The following DEGS2 variants were observed in gnomAD, a reference collection of about 807,000 sequenced individuals.
DEGS2 encodes delta 4-desaturase, sphingolipid 2.
DEGS2 carries 19 observed loss-of-function variants against 23.8 expected under a neutral mutation model. That is an observed-to-expected ratio of 0.80 (90% CI 0.56 to 1.17). The LOEUF (loss-of-function observed/expected upper bound fraction) is 1.17. Ranked by LOEUF, DEGS2 falls within the 50% of genes most tolerant of loss-of-function variation. DEGS2 has a pLI of 0.00. For missense variants in DEGS2, 390 were observed against 459.5 expected (o/e 0.85, Z 1.38); for synonymous variants, 218 against 213.7 (o/e 1.02, Z -0.18).
At chr14:100,149,860 C>G (rs1487407055) in intron 1 of DEGS2, 150 bp from the exon 2 acceptor site, 1 of 830,642 alleles carries the variant, frequency 1.2e-6, no homozygotes, top group East Asian at 2.7e-5. Context: ...GGCCCTGTCC[C>G]TCGAGGGCCC....
rs1430062660 is a variant in DEGS2 at position 100,146,632 on chromosome 14, C to G, written c.*129G>C. 1.5e-6 allele frequency: 2 copies of G among 1,359,118 alleles called. No homozygotes were observed. 84.2% of individuals were successfully genotyped at this position (1,359,118 alleles called of 1,614,324 possible). A position where few individuals can be genotyped will look rare whatever the true frequency, so the allele number is the denominator to read the frequency against. On this transcript the variant is annotated 3_prime_UTR_variant, in exon 3 of 3. Transcript: ENST00000305631. ...ACACTGCTGTTGCCAGGTGTGGCTGCGCGGGACACTCCTCGGGGACAAGGG... is the reference window on the plus strand; with the variant it reads ...ACACTGCTGTTGCCAGGTGTGGCTGGGCGGGACACTCCTCGGGGACAAGGG...
At chr14:100,164,883 G>T in the DEGS2 span, among the ~76,000 whole-genome samples, 3 of 152,184 alleles carry the variant, frequency 2.0e-5, no homozygotes, top group South Asian at 6.2e-4. Context: ...AGCTTTATTA[G>T]TAAAAGCCAA....
At chr14:100,151,813 G>A (rs1442697708) in intron 1 of DEGS2, among the ~76,000 whole-genome samples, 1 of 152,218 alleles carries the variant, frequency 6.6e-6, no homozygotes, top group East Asian at 1.9e-4. Context: ...ACCCACCCAA[G>A]GTCAGTTGAC....
At chr14:100,165,919 G>C in the DEGS2 span, among the ~76,000 whole-genome samples, 3 of 134,396 alleles carry the variant, frequency 2.2e-5, no homozygotes, top group Non-Finnish European at 4.9e-5. Context: ...GAAGTGGGGT[G>C]GGGGGAGCCT....
intron 1 of DEGS2, among the ~76,000 whole-genome samples, chr14:100,153,552 G>A (rs1416488115): frequency 1.3e-5 from 2 of 152,200 alleles, no homozygotes; most frequent in Admixed American, 6.5e-5. Context: ...GGAATTGCAG[G>A]CCTGCATGGG....
In DEGS2 at chr14:100,146,758, G is replaced by A. The variant is rs1480327687; in HGVS notation, c.*3C>T. The A allele has an allele frequency of 3.7e-6, 6 of 1,612,870 alleles. No individual in the cohort carries two copies. Among genetic ancestry groups the A allele is most frequent in the Admixed American group, 1.7e-5 (1 of 59,924 alleles). The stretch of plus-strand genomic sequence containing the variant: ...ATGGCCACCACCAGGAGGCAGCCCG[G>A]GCTCACAGACCATCTTTTGCCAGCC... On this transcript the variant is annotated 3_prime_UTR_variant, in exon 3 of 3. Transcript: ENST00000305631.
chr14:100,159,071 G>A (rs1241341922), intron 1 of DEGS2, among the ~76,000 whole-genome samples: 4 of 152,184 alleles, frequency 2.6e-5, no homozygotes, highest in African/African-American at 9.7e-5. Flanking sequence ...GAGACCCAGG[G>A]GCTCTGAGCG....
intron 1 of DEGS2, 134 bp from the exon 2 acceptor site, chr14:100,149,844 C>T (rs1215393530): frequency 3.2e-6 from 3 of 928,008 alleles, no homozygotes; most frequent in South Asian, 3.4e-5. Flanking sequence ...TTTGCCCCTG[C>T]ACACAGGCCC....
At chr14:100,148,259 C>T (rs1889490790) in intron 2 of DEGS2, among the ~76,000 whole-genome samples, 1 of 152,238 alleles carries the variant, frequency 6.6e-6, no homozygotes, top group Non-Finnish European at 1.5e-5. Context: ...AACATGCTCA[C>T]ACACAGACAC....
In DEGS2 at chr14:100,146,356, C is replaced by T. The variant is rs552271570; in HGVS notation, c.*405G>A. The T allele has an allele frequency of 2.5e-4, 46 of 184,262 alleles. No individual in the cohort carries two copies. Among genetic ancestry groups the T allele is most frequent in the South Asian group, 7.1e-4 (6 of 8,428 alleles). The allele number at this position is 184,262 out of a possible 1,614,324, so 11.4% of individuals were successfully genotyped here. On this transcript the variant is annotated 3_prime_UTR_variant, in exon 3 of 3. Coordinates refer to ENST00000305631, the MANE Select transcript of DEGS2 (RefSeq NM_206918.3). The stretch of plus-strand genomic sequence containing the variant: ...AGCTCCACTCATCGGGGCGGCCCAG[C>T]GCCCCATTCCCTGGGGCCAGGCTCA...
At chr14:100,159,715 G>T (rs1889720699), upstream of DEGS2, 1 of 189,968 alleles carries the variant, frequency 5.3e-6, no homozygotes, top group Non-Finnish European at 1.0e-5. Context: ...GGCCAGGTGC[G>T]CCAGGCTTGG....
intron 2 of DEGS2, among the ~76,000 whole-genome samples, chr14:100,147,181 C>T (rs1049883122): frequency 6.6e-6 from 1 of 152,184 alleles, no homozygotes; most frequent in Non-Finnish European, 1.5e-5. Context: ...GGAAGCGTGG[C>T]GCTGGCTGCT....
chr14:100,157,602 C>T (rs552733303), intron 1 of DEGS2, among the ~76,000 whole-genome samples: 3 of 152,336 alleles, frequency 2.0e-5, no homozygotes, highest in African/African-American at 7.2e-5. Flanking sequence ...TGGGACCAGA[C>T]GATGCTGGGC....
In DEGS2 at chr14:100,149,378, C is replaced by A. The variant is rs752101559; in HGVS notation, c.415G>T (p.Gly139Trp). Residue 139 changes from glycine to tryptophan, a missense_variant, in exon 2 of 3, where the codon GGG becomes TGG. Physicochemically the swap from Gly to Trp is radical, Grantham distance 184. Coordinates refer to ENST00000305631, the MANE Select transcript of DEGS2 (RefSeq NM_206918.3). ...CGCGTGGGCACGTCCACGTCCAGCC[C>A]GTCGCCGCCCAGGTAGCGGTGGTGG... The part of the protein sequence containing the change: ...VDHHRYLGGD[G>W]LDVDVPTRLE... The A allele has an allele frequency of 1.9e-6, 3 of 1,605,410 alleles. No homozygotes were observed. Among genetic ancestry groups the A allele is most frequent in the South Asian group, 2.2e-5 (2 of 90,398 alleles).
chr14:100,149,485 G>A lies in DEGS2; in HGVS notation c.308C>T (p.Ala103Val), dbSNP rs544867575. 2 of 1,598,314 alleles carry A rather than the reference G, an allele frequency of 1.3e-6. No homozygotes were observed. Among genetic ancestry groups the A allele is most frequent in the East Asian group, 2.3e-5 (1 of 44,372 alleles). The change falls in exon 2 of 3, where the codon GCA (alanine) becomes GTA (valine). Residue 103 changes from alanine to valine, a missense_variant. Physicochemically the swap from Ala to Val is moderately conservative, Grantham distance 64. Coordinates refer to ENST00000305631, the MANE Select transcript of DEGS2 (RefSeq NM_206918.3). ...HNAAFGTGRAARNRWLAVFAN... is the reference protein window; with the variant it reads ...HNAAFGTGRAVRNRWLAVFAN... ...GAACACGGCCAGCCAGCGGTTGCGT[G>A]CCGCACGGCCCGTGCCGAAGGCCGC...
At chr14:100,158,643 C>T (rs1364727753) in intron 1 of DEGS2, among the ~76,000 whole-genome samples, 2 of 150,714 alleles carry the variant, frequency 1.3e-5, no homozygotes, top group Non-Finnish European at 2.9e-5. Context: ...CCCAATCTGA[C>T]TGAAGATTAC....
intron 1 of DEGS2, among the ~76,000 whole-genome samples, chr14:100,153,915 C>T (rs1021756748): frequency 3.3e-5 from 5 of 152,164 alleles, no homozygotes; most frequent in African/African-American, 1.2e-4. Context: ...CAAAGAAGGG[C>T]CCACCAAGGT....
chr14:100,149,707 T>G lies in DEGS2; in HGVS notation c.86A>C (p.Lys29Thr). 2 of 1,596,418 alleles carry G rather than the reference T, an allele frequency of 1.3e-6. No homozygotes were observed. Among genetic ancestry groups the G allele is most frequent in the Non-Finnish European group, 1.7e-6 (2 of 1,170,556 alleles). ...CATCAGGGCCTTGATGGCCGGGTAC[T>G]TGGCTGCAAGGAAGACAGGGAGGTA... ...HTQRRKEILA[K>T]YPAIKALMRP... Residue 29 changes from lysine to threonine, a missense_variant, in exon 2 of 3, where the codon AAG (lysine) becomes ACG (threonine). Physicochemically the swap from Lys to Thr is moderately conservative, Grantham distance 78. Coordinates refer to ENST00000305631, the MANE Select transcript of DEGS2 (RefSeq NM_206918.3).
chr14:100,159,825 A>T (rs1889723539), upstream of DEGS2: 1 of 303,140 alleles, frequency 3.3e-6, no homozygotes, highest in Non-Finnish European at 6.0e-6. Flanking sequence ...CTCGGTTGGA[A>T]ATGGGGCTCC....
Sources: allele counts gnomAD v4.1 joint callset (sites outside exome capture counted in the v4.1 genomes callset), GRCh38; gene constraint gnomAD v4.1.1; transcripts MANE v1.5; gene names NCBI Gene and HGNC (gene_info 2026-07-23, HGNC 2026-07-21).